Variants in TRHDE observed in about 807,000 individuals in gnomAD.
TRHDE encodes the protein thyrotropin-releasing hormone-degrading ectoenzyme.
In TRHDE, 72 loss-of-function variants were observed where a neutral mutation model predicts 125.7. The observed-to-expected ratio is 0.57, with a 90% CI of 0.47 to 0.70. The LOEUF (loss-of-function observed/expected upper bound fraction) is 0.70, where lower values mean the gene tolerates loss of function less well. TRHDE is among the 30% of genes least tolerant of loss of function. The pLI is 0.00. For synonymous variants in TRHDE, 509 were observed against 509.1 expected (o/e 1.00, Z 0.00); for missense variants, 1,110 against 1,327.1 (o/e 0.84, Z 2.54).
At chr12:72,603,092 A>C (rs1333225644) in intron 12 of TRHDE, among the ~76,000 whole-genome samples, 2 of 152,204 alleles carry the variant, frequency 1.3e-5, no homozygotes, top group Non-Finnish European at 2.9e-5. Flanking sequence ...GGCTTCTTTG[A>C]GGGGAGTTTG....
intron 7 of TRHDE, among the ~76,000 whole-genome samples, chr12:72,559,501 T>G (rs905945639): frequency 6.6e-6 from 1 of 152,104 alleles, no homozygotes; most frequent in African/African-American, 2.4e-5. Context: ...TTAAATAGAG[T>G]TTTAACTTTT....
intron 7 of TRHDE, among the ~76,000 whole-genome samples, chr12:72,551,212 G>C (rs1303668945): frequency 1.3e-5 from 2 of 152,026 alleles, no homozygotes; most frequent in Non-Finnish European, 2.9e-5. Flanking sequence ...TAAGTTACAT[G>C]TTTTGAACCT....
intron 2 of TRHDE, among the ~76,000 whole-genome samples, chr12:72,118,265 G>A (rs1437311667): frequency 6.6e-6 from 1 of 151,882 alleles, no homozygotes; most frequent in African/African-American, 2.4e-5. Flanking sequence ...ATCATGAAGG[G>A]ATGTTTAATT....
chr12:72,487,615 C>G (rs1877474524), intron 5 of TRHDE, among the ~76,000 whole-genome samples: 1 of 152,062 alleles, frequency 6.6e-6, no homozygotes, highest in African/African-American at 2.4e-5. Context: ...TATATTACCA[C>G]TATACTTACA....
chr12:72,587,543 A>G (rs1871492239), intron 12 of TRHDE, among the ~76,000 whole-genome samples: 1 of 152,110 alleles, frequency 6.6e-6, no homozygotes, highest in African/African-American at 2.4e-5. Flanking sequence ...GAGCCATAAC[A>G]CTTCATGCTA....
intron 5 of TRHDE, among the ~76,000 whole-genome samples, chr12:72,487,208 AAAAG>A (rs1464437722): frequency 6.6e-6 from 1 of 152,198 alleles, no homozygotes; most frequent in Admixed American, 6.5e-5. Context: ...AAGAGACAGA[AAAAG>A]AAAGAGAAGG....
intron 12 of TRHDE, among the ~76,000 whole-genome samples, chr12:72,597,185 G>A (rs1352508016): frequency 6.6e-6 from 1 of 152,160 alleles, no homozygotes; most frequent in Non-Finnish European, 1.5e-5. Context: ...GTTATACACT[G>A]CTATGCCGGA....
chr12:72,537,178 T>C (rs1396917320), intron 6 of TRHDE, among the ~76,000 whole-genome samples: 1 of 152,034 alleles, frequency 6.6e-6, no homozygotes, highest in Non-Finnish European at 1.5e-5. Context: ...CCTTTTGATA[T>C]TATGGCCTTA....
chr12:72,306,827 A>G (rs1454216949), intron 2 of TRHDE: 1 of 152,190 alleles, frequency 6.6e-6, no homozygotes, highest in East Asian at 1.9e-4. Context: ...GGGTAAAGGA[A>G]TGATGCAATT....
At chr12:72,260,617 A>G (rs1043942078) in intron 2 of TRHDE, among the ~76,000 whole-genome samples, 4 of 152,200 alleles carry the variant, frequency 2.6e-5, no homozygotes, top group Admixed American at 2.6e-4. Flanking sequence ...GGGAAGGAAT[A>G]GAGTCAAAGG....
intron 3 of TRHDE, among the ~76,000 whole-genome samples, chr12:72,411,202 CAA>C (rs561779856): frequency 1.5e-4 from 9 of 59,630 alleles, no homozygotes; most frequent in Admixed American, 1.9e-4. Context: ...GACTCCATTT[CAA>C]AAAAAAAAAA....
intron 3 of TRHDE, among the ~76,000 whole-genome samples, chr12:72,424,332 A>C (rs1180556212): frequency 6.6e-6 from 1 of 152,110 alleles, no homozygotes; most frequent in Admixed American, 6.6e-5. Context: ...TCTTATAAGA[A>C]TATCAATCAT....
intron 2 of TRHDE, among the ~76,000 whole-genome samples, chr12:72,157,972 T>G (rs1339344267): frequency 1.3e-5 from 2 of 152,116 alleles, no homozygotes; most frequent in Non-Finnish European, 2.9e-5. Flanking sequence ...GTGTGGCATC[T>G]CAAAAACTAA....
At chr12:72,352,863 A>C (rs1372744320) in intron 2 of TRHDE, among the ~76,000 whole-genome samples, 1 of 151,606 alleles carries the variant, frequency 6.6e-6, no homozygotes, top group African/African-American at 2.4e-5. Flanking sequence ...TGGGCAGCCT[A>C]TTTTAAAGAT....
chr12:72,569,346 T>C (rs1870611698), intron 10 of TRHDE, among the ~76,000 whole-genome samples: 1 of 152,234 alleles, frequency 6.6e-6, no homozygotes, highest in Non-Finnish European at 1.5e-5. Context: ...AATTATCATC[T>C]TTTATGTAAC....
intron 3 of TRHDE, among the ~76,000 whole-genome samples, chr12:72,411,966 A>T (rs992242262): frequency 1.3e-5 from 2 of 152,168 alleles, no homozygotes; most frequent in African/African-American, 2.4e-5. Flanking sequence ...CACACCATAT[A>T]AAAACTGACC....
chr12:72,113,517 C>T (rs1875370519), intron 2 of TRHDE, among the ~76,000 whole-genome samples: 2 of 151,932 alleles, frequency 1.3e-5, no homozygotes, highest in East Asian at 3.9e-4. Flanking sequence ...CGATTGGTCT[C>T]GAACTCCTGA....
intron 2 of TRHDE, among the ~76,000 whole-genome samples, chr12:72,228,701 G>C (rs1217908691): frequency 6.6e-6 from 1 of 152,128 alleles, no homozygotes; most frequent in Non-Finnish European, 1.5e-5. Flanking sequence ...TCCAAACCAT[G>C]TCTTTGTGAA....
At chr12:72,529,344 T>C (rs1198562782) in intron 6 of TRHDE, among the ~76,000 whole-genome samples, 1 of 152,168 alleles carries the variant, frequency 6.6e-6, no homozygotes, top group East Asian at 1.9e-4. Context: ...CAGCAGTTAT[T>C]ATTATTTTGT....
Sources: allele counts gnomAD v4.1 joint callset (sites outside exome capture counted in the v4.1 genomes callset), GRCh38; gene constraint gnomAD v4.1.1; transcripts MANE v1.5; gene names NCBI Gene and HGNC (gene_info 2026-07-23, HGNC 2026-07-21).